Variants in TOPAZ1 observed in about 807,000 individuals in gnomAD.
TOPAZ1 encodes the protein protein TOPAZ1.
In TOPAZ1, 66 loss-of-function variants were observed where a neutral mutation model predicts 172.2. That is an observed-to-expected ratio of 0.38 (90% CI 0.31 to 0.47). The LOEUF (loss-of-function observed/expected upper bound fraction) is 0.47. Among genes scored for constraint, TOPAZ1 ranks in the 20% least tolerant of loss-of-function variants. TOPAZ1 has a pLI of 0.99. For missense variants in TOPAZ1, 1,822 were observed against 1,972.4 expected (o/e 0.92, Z 1.44); for synonymous variants, 681 against 683.9 (o/e 1.00, Z 0.07).
intron 16 of TOPAZ1, among the ~76,000 whole-genome samples, chr3:44,320,505 G>C (rs999431276): frequency 6.6e-6 from 1 of 152,154 alleles, no homozygotes; most frequent in Non-Finnish European, 1.5e-5. Context: ...GGCTGAGGCA[G>C]GAGAATCACT....
chr3:44,242,073 T>A lies in TOPAZ1; in HGVS notation c.20T>A (p.Leu7Gln). The change falls in exon 1 of 20, where the codon CTG becomes CAG. Residue 7 changes from leucine (L) to glutamine (Q), a missense_variant. By Grantham distance (113) the Leu-to-Gln change is moderately radical (BLOSUM62 -2). Around this residue, in one of 2 missense-constraint regions of TOPAZ1, gnomAD observed 1,489 missense variants for 1,490.8 expected, o/e 1.00. Coordinates refer to ENST00000309765, the MANE Select transcript of TOPAZ1 (RefSeq NM_001145030.2). MRRPPPLGPTTASGPEG... is the reference protein window; with the variant it reads MRRPPPQGPTTASGPEG... ...GGGCACATGCGACGACCTCCACCCCTGGGCCCCACGACGGCCTCAGGGCCT... is the reference window on the plus strand; with the variant it reads ...GGGCACATGCGACGACCTCCACCCCAGGGCCCCACGACGGCCTCAGGGCCT... The A allele has an allele frequency of 3.9e-6, 6 of 1,545,834 alleles. No individual in the cohort carries two copies. The highest frequency in any genetic ancestry group is 5.2e-6 in the Non-Finnish European group (6 of 1,146,294).
chr3:44,285,048 G>A (rs1700062971), intron 9 of TOPAZ1, among the ~76,000 whole-genome samples: 1 of 152,234 alleles, frequency 6.6e-6, no homozygotes, highest in South Asian at 2.1e-4. Context: ...CATTTCAAGA[G>A]GAAAATCCAG....
intron 12 of TOPAZ1, among the ~76,000 whole-genome samples, chr3:44,294,688 CA>C (rs1700174784): frequency 6.6e-6 from 1 of 152,000 alleles, no homozygotes; most frequent in Non-Finnish European, 1.5e-5. Flanking sequence ...GTATTTTTTT[CA>C]GAGGTAGGAT....
chr3:44,290,947 G>T, intron 12 of TOPAZ1, 61 bp downstream of exon 12: 2 of 1,084,232 alleles, frequency 1.8e-6, no homozygotes, highest in Non-Finnish European at 1.3e-6. Flanking sequence ...ACTTATAAAA[G>T]CTGAAGGCAA....
In TOPAZ1 at chr3:44,309,692, C is replaced by A. The variant is rs558884110; in HGVS notation, c.4141-133C>A. ...ACAGGAAGGGGCTTAAGGAAAGAGT[C>A]TTGGAGCAGCTTAACAGCCAGCAGT... On this transcript the variant is annotated intron_variant, in intron 15 of 19. Coordinates refer to ENST00000309765, the MANE Select transcript of TOPAZ1 (RefSeq NM_001145030.2). The A allele has an allele frequency of 7.6e-6, 5 of 661,598 alleles. No individual in the cohort carries two copies. In the South Asian group the frequency reaches 8.6e-5, roughly 11 times the overall value. 41.0% of individuals were successfully genotyped at this position (661,598 alleles called of 1,614,324 possible).
rs772148259 is a variant in TOPAZ1 at position 44,267,169 on chromosome 3, G to T, written c.3160+33G>T. On this transcript the variant is annotated intron_variant, in intron 6 of 19. Coordinates refer to ENST00000309765, the MANE Select transcript of TOPAZ1 (RefSeq NM_001145030.2). ...TTGTTTTCTTAATGAAATCCTGTTGGCTTTTGGTGATATAGAAACTAGGAG... is the reference window on the plus strand; with the variant it reads ...TTGTTTTCTTAATGAAATCCTGTTGTCTTTTGGTGATATAGAAACTAGGAG... The T allele has an allele frequency of 1.3e-5, 18 of 1,436,486 alleles. No individual in the cohort carries two copies. In the South Asian group the frequency reaches 2.5e-4, roughly 20 times the overall value. The allele number at this position is 1,436,486 out of a possible 1,614,324, so 89.0% of individuals were successfully genotyped here. A position where few individuals can be genotyped will look rare whatever the true frequency, so the allele number is the denominator to read the frequency against.
chr3:44,296,630 T>C (rs1575725601), intron 12 of TOPAZ1, among the ~76,000 whole-genome samples: 1 of 152,022 alleles, frequency 6.6e-6, no homozygotes, highest in African/African-American at 2.4e-5. Flanking sequence ...ATCATCTAAA[T>C]AGTGTTACAA....
chr3:44,264,167 C>G (rs2125683810), intron 5 of TOPAZ1, among the ~76,000 whole-genome samples: 1 of 152,294 alleles, frequency 6.6e-6, no homozygotes, highest in East Asian at 1.9e-4. Flanking sequence ...ACCACACCAC[C>G]CCATTCCTTC....
chr3:44,297,849 T>C (rs1017137679), intron 12 of TOPAZ1, among the ~76,000 whole-genome samples: 1 of 151,794 alleles, frequency 6.6e-6, no homozygotes, highest in Non-Finnish European at 1.5e-5. Flanking sequence ...GAAAACGAAC[T>C]GGGGAAACCA....
chr3:44,280,717 C>A (rs1040923930), intron 8 of TOPAZ1, among the ~76,000 whole-genome samples: 12 of 152,142 alleles, frequency 7.9e-5, no homozygotes, highest in African/African-American at 2.7e-4. Context: ...GTCCTTCTGG[C>A]GTGTGAAAAT....
intron 7 of TOPAZ1, among the ~76,000 whole-genome samples, chr3:44,269,788 C>T (rs917949035): frequency 2.6e-5 from 4 of 151,794 alleles, no homozygotes; most frequent in East Asian, 3.9e-4. Context: ...CCCACCACCA[C>T]GCCCGGCTAA....
intron 2 of TOPAZ1, 38 bp from the exon 3 acceptor site, chr3:44,254,930 T>A (rs1275459233): frequency 9.0e-6 from 13 of 1,437,540 alleles, no homozygotes; most frequent in Admixed American, 2.0e-5. Flanking sequence ...CTGCTTAGAA[T>A]CTATTATAAT....
chr3:44,251,189 T>C lies in TOPAZ1; in HGVS notation c.2766-3779T>C, dbSNP rs181172616. ...AGGCTGGAGTGCAGTGATGCCATCA[T>C]GGCTCACTGCAGCCTCTACCTACCA... On this transcript the variant is annotated intron_variant, in intron 2 of 19. Coordinates refer to ENST00000309765, the MANE Select transcript of TOPAZ1 (RefSeq NM_001145030.2). 2.5e-3 allele frequency among the ~76,000 whole-genome samples: 383 copies of C among 152,228 alleles called. 4 individuals are homozygous for C. The highest frequency in any genetic ancestry group is 8.9e-3 in the African/African-American group (369 of 41,540).
chr3:44,242,410 A>T lies in TOPAZ1; in HGVS notation c.346+11A>T. On this transcript the variant is annotated intron_variant, in intron 1 of 19. Coordinates refer to ENST00000309765, the MANE Select transcript of TOPAZ1 (RefSeq NM_001145030.2). ...AAACGGAAAGACACAGTAAGAAAGC[A>T]TCCACGATCACTTACCTTTAGCCCT... 4 of 1,551,988 alleles carry T rather than the reference A, an allele frequency of 2.6e-6. No individual in the cohort carries two copies. The highest frequency in any genetic ancestry group is 3.5e-6 in the Non-Finnish European group (4 of 1,146,884).
rs1700675148 is a variant in TOPAZ1, at chr3:44,331,919, C to G, written c.4987C>G (p.Gln1663Glu). Residue 1663 changes from glutamine (Q) to glutamate (E), a missense_variant, in exon 20 of 20, where the codon CAG becomes GAG. Physicochemically the swap from Gln to Glu is conservative, Grantham distance 29 (BLOSUM62 2). Transcript: ENST00000309765. Reference sequence around the variant, plus strand: ...CATGACTGTCAATGTTAATAAGGAACAGGTTTATAGTTTGGAACATTGTTC... The same window carrying G: ...CATGACTGTCAATGTTAATAAGGAAGAGGTTTATAGTTTGGAACATTGTTC... Reference protein sequence around the residue: ...KHMTVNVNKEQVYSLEHCSAL... With the variant: ...KHMTVNVNKEEVYSLEHCSAL... 4 of 1,551,146 alleles carry G rather than the reference C, an allele frequency of 2.6e-6. No homozygotes were observed. The highest frequency in any genetic ancestry group is 1.4e-5 in the African/African-American group (1 of 72,880).
chr3:44,273,099 T>C (rs1699915750), intron 8 of TOPAZ1, among the ~76,000 whole-genome samples: 1 of 152,250 alleles, frequency 6.6e-6, no homozygotes, highest in Admixed American at 6.5e-5. Context: ...GTAATTTCTC[T>C]ACTTTGTTTC....
intron 4 of TOPAZ1, among the ~76,000 whole-genome samples, chr3:44,261,129 T>A (rs1402534295): frequency 3.3e-5 from 5 of 152,102 alleles, no homozygotes; most frequent in African/African-American, 4.8e-5. Context: ...ACATTGTAGT[T>A]TTTTTAATGT....
At chr3:44,309,674 G>T in intron 15 of TOPAZ1, 151 bp from the exon 16 acceptor site, 1 of 604,758 alleles carries the variant, frequency 1.7e-6, no homozygotes. Context: ...TGAACAGGAA[G>T]GGGCTTAAGG....
chr3:44,306,382 A>G lies in TOPAZ1; in HGVS notation c.4096A>G (p.Ile1366Val). 1 of 1,549,002 alleles carries G rather than the reference A, an allele frequency of 6.5e-7. No homozygotes were observed. The highest frequency in any genetic ancestry group is 2.4e-5 in the East Asian group (1 of 40,890). ...VDKGVLGRIG[I>V]SAMYFYHKLL... ...TAAAGGTGTACTGGGAAGAATTGGA[A>G]TCAGTGCTATGTACTTCTATCACAA... is the stretch of plus-strand genomic sequence containing the variant. Residue 1366 changes from isoleucine (I) to valine (V), a missense_variant, in exon 15 of 20, where the codon ATC (isoleucine) becomes GTC (valine). Around this residue, in one of 2 missense-constraint regions of TOPAZ1, gnomAD observed 333 missense variants for 481.7 expected, o/e 0.69. Transcript: ENST00000309765.
Sources: allele counts gnomAD v4.1 joint callset (sites outside exome capture counted in the v4.1 genomes callset), GRCh38; gene constraint gnomAD v4.1.1; regional missense constraint gnomAD v4.1.1; transcripts MANE v1.5; gene names NCBI Gene and HGNC (gene_info 2026-07-23, HGNC 2026-07-21).